Variants in SYTL5 observed in about 807,000 individuals in gnomAD.
The protein encoded by SYTL5 is synaptotagmin-like protein 5.
SYTL5 carries 34 observed loss-of-function variants against 55.9 expected under a neutral mutation model. The ratio of observed to expected loss-of-function variants is 0.61; its 90% confidence interval spans 0.46 to 0.81. SYTL5 has a LOEUF of 0.81. Among genes scored for constraint, SYTL5 ranks in the 30% least tolerant of loss-of-function variants. The pLI, the probability that SYTL5 is intolerant of heterozygous loss-of-function variation, is 0.00. For missense variants in SYTL5, 637 were observed against 546.7 expected (o/e 1.17, Z -1.65); for synonymous variants, 221 against 188.7 (o/e 1.17, Z -1.40).
At chrX:37,914,247 T>C in the SYTL5 span, among the ~76,000 whole-genome samples, 1 of 111,602 alleles carries the variant, frequency 9.0e-6, no homozygotes, top group Non-Finnish European at 1.9e-5. Context: ...AGACAAATAC[T>C]CCTACATGTG....
intron 2 of SYTL5, among the ~76,000 whole-genome samples, chrX:38,052,531 G>A (rs1488758524): frequency 3.6e-5 from 4 of 111,801 alleles, no homozygotes; most frequent in Non-Finnish European, 5.6e-5. Context: ...AAATGACCTG[G>A]TTCCTGATTC....
chrX:37,945,142 T>A, the SYTL5 span, among the ~76,000 whole-genome samples: 1 of 112,849 alleles, frequency 8.9e-6, no homozygotes, highest in Admixed American at 9.3e-5. Context: ...AATTATAAAT[T>A]GAGATAACTG....
chrX:38,116,931 T>C (rs900076512), intron 13 of SYTL5, among the ~76,000 whole-genome samples: 1 of 112,393 alleles, frequency 8.9e-6, no homozygotes, highest in African/African-American at 3.2e-5. Context: ...TGTGAATTAA[T>C]AGATCCTGCT....
chrX:37,935,191 T>C, the SYTL5 span, among the ~76,000 whole-genome samples: 4 of 112,139 alleles, frequency 3.6e-5, no homozygotes, highest in Non-Finnish European at 3.8e-5. Flanking sequence ...TGTTGATATA[T>C]TTGAAGTGCT....
chrX:38,062,749 A>G, intron 3 of SYTL5, among the ~76,000 whole-genome samples: 1 of 111,890 alleles, frequency 8.9e-6, no homozygotes, highest in Non-Finnish European at 1.9e-5. Context: ...AGTAAACAAA[A>G]CAAGAACACT....
rs1401687413 is a variant in SYTL5, at chrX:38,116,566, C to T, written c.1597-3792C>T. On this transcript the variant is annotated intron_variant, in intron 13 of 16. Transcript: ENST00000297875. ...AACATAAGAATACTTTCAAAGTAAA[C>T]AAAATGCAAATTCTTCTAAAAAATG... 2.7e-5 allele frequency among the ~76,000 whole-genome samples: 3 copies of T among 112,370 alleles called. No homozygotes were observed. In the East Asian group the frequency reaches 8.3e-4, roughly 31 times the overall value.
At chrX:37,910,119 T>A in the SYTL5 span, among the ~76,000 whole-genome samples, 1 of 111,845 alleles carries the variant, frequency 8.9e-6, no homozygotes, top group African/African-American at 3.3e-5. Context: ...TATATTAGTT[T>A]GCTAGGGCTG....
intron 1 of SYTL5, among the ~76,000 whole-genome samples, chrX:38,007,040 A>G (rs5964280): frequency 0.042 from 4,672 of 111,426 alleles, 253 homozygotes; most frequent in African/African-American, 0.14. Flanking sequence ...TCATTTTGCT[A>G]TAAATCTCTC....
chrX:38,073,876 A>G (rs980836371), intron 5 of SYTL5, among the ~76,000 whole-genome samples, 178 bp downstream of exon 5: 2 of 111,937 alleles, frequency 1.8e-5, no homozygotes, highest in Admixed American at 1.9e-4. Context: ...ATAATTTTCA[A>G]TAAGTAAATA....
chrX:38,104,949 C>T (rs1199943837), intron 10 of SYTL5, among the ~76,000 whole-genome samples: 1 of 112,486 alleles, frequency 8.9e-6, no homozygotes, highest in Admixed American at 9.4e-5. Flanking sequence ...ACCAAGGTCA[C>T]ATTTTCACTT....
chrX:38,092,988 C>T (rs2147524478), intron 7 of SYTL5, among the ~76,000 whole-genome samples: 1 of 111,888 alleles, frequency 8.9e-6, no homozygotes, highest in South Asian at 3.8e-4. Context: ...AACATAATTG[C>T]CTCCAAGGAA....
chrX:37,913,904 T>G, the SYTL5 span, among the ~76,000 whole-genome samples: 1 of 112,208 alleles, frequency 8.9e-6, no homozygotes, highest in Non-Finnish European at 1.9e-5. Flanking sequence ...CCAAACAAAC[T>G]ACCTACATTG....
At chrX:37,951,179 T>C in the SYTL5 span, among the ~76,000 whole-genome samples, 2 of 111,496 alleles carry the variant, frequency 1.8e-5, no homozygotes, top group Non-Finnish European at 3.8e-5. Context: ...TAAATATCTG[T>C]TTCTATGTGG....
At chrX:37,989,690 G>A in the SYTL5 span, among the ~76,000 whole-genome samples, 3 of 111,679 alleles carry the variant, frequency 2.7e-5, no homozygotes, top group Non-Finnish European at 5.6e-5. Flanking sequence ...ATGAACCAAA[G>A]TCAAAGGGAA....
At chrX:38,105,993 C>T (rs2147610716) in intron 10 of SYTL5, among the ~76,000 whole-genome samples, 1 of 112,046 alleles carries the variant, frequency 8.9e-6, no homozygotes, top group South Asian at 3.7e-4. Flanking sequence ...ATATACTACT[C>T]ATGTAGCCAC....
the SYTL5 span, among the ~76,000 whole-genome samples, chrX:37,953,037 T>G: frequency 2.7e-5 from 3 of 111,606 alleles, no homozygotes; most frequent in African/African-American, 9.8e-5. Flanking sequence ...GTCTTGGGAC[T>G]GATCTCAGGA....
At chrX:38,057,137 A>T (rs1935811358) in intron 3 of SYTL5, among the ~76,000 whole-genome samples, 1 of 111,455 alleles carries the variant, frequency 9.0e-6, no homozygotes, top group Non-Finnish European at 1.9e-5. Flanking sequence ...TAAGTATTTA[A>T]TCCACTCTGA....
intron 2 of SYTL5, among the ~76,000 whole-genome samples, chrX:38,050,220 G>A (rs1168636748): frequency 8.9e-6 from 1 of 112,225 alleles, no homozygotes; most frequent in Admixed American, 9.4e-5. Context: ...ATGGTGTTCA[G>A]TACAATTTGG....
At chrX:38,066,308 T>TA (rs1396657120) in intron 3 of SYTL5, among the ~76,000 whole-genome samples, 2 of 111,629 alleles carry the variant, frequency 1.8e-5, no homozygotes, top group African/African-American at 6.5e-5. Flanking sequence ...TTTTCCCCTG[T>TA]AAAACTATAG....
Sources: allele counts gnomAD v4.1 joint callset (sites outside exome capture counted in the v4.1 genomes callset), GRCh38; gene constraint gnomAD v4.1.1; transcripts MANE v1.5; gene names NCBI Gene and HGNC (gene_info 2026-07-23, HGNC 2026-07-21).